EYS: variants seen among roughly 807,000 people sequenced by gnomAD.
EYS encodes the protein protein eyes shut homolog.
EYS carries 250 observed loss-of-function variants against 282.1 expected under a neutral mutation model. The observed-to-expected ratio is 0.89, with a 90% CI of 0.80 to 0.98. EYS has a LOEUF of 0.98. Ranked by LOEUF, EYS falls within the 50% of genes least tolerant of loss-of-function variation. EYS has a pLI of 0.00. For synonymous variants in EYS, 1,355 were observed against 1,282.9 expected, an observed-to-expected ratio of 1.06 and a Z score of -1.20; for missense variants, 4,016 against 3,709.0, an observed-to-expected ratio of 1.08 and a Z score of -2.15.
intron 26 of EYS, among the ~76,000 whole-genome samples, chr6:64,476,207 A>G (rs1776262951): frequency 6.6e-6 from 1 of 152,156 alleles, no homozygotes; most frequent in African/African-American, 2.4e-5. Flanking sequence ...CCATCTGTGC[A>G]TGCTGCCCTC....
intron 22 of EYS, among the ~76,000 whole-genome samples, chr6:64,651,244 C>T (rs1442833728): frequency 6.6e-6 from 1 of 152,080 alleles, no homozygotes; most frequent in East Asian, 1.9e-4. Context: ...GGAAAAAAGA[C>T]TAAATAGTTG....
intron 39 of EYS, among the ~76,000 whole-genome samples, chr6:63,780,556 G>T (rs1329615238): frequency 6.6e-6 from 1 of 152,172 alleles, no homozygotes; most frequent in Non-Finnish European, 1.5e-5. Flanking sequence ...CTTTTGAGAA[G>T]TGTCTGTTCA....
In EYS at chr6:65,490,580, T is replaced by C. The variant is rs746157332; in HGVS notation, c.862+14A>G. Reference sequence around the variant, plus strand: ...TTACTTGTGTATATGGTTGTATACATATGCATTTTTTACCTGAAAATTGCT... The same window carrying C: ...TTACTTGTGTATATGGTTGTATACACATGCATTTTTTACCTGAAAATTGCT... On this transcript the variant is annotated intron_variant, in intron 5 of 42. Coordinates refer to ENST00000503581, the MANE Select transcript of EYS (RefSeq NM_001142800.2). 5 of 1,353,146 alleles carry C rather than the reference T, an allele frequency of 3.7e-6. No homozygotes were observed. The Admixed American group carries it at 8.4e-5, about 23-fold the overall frequency. 83.8% of individuals were successfully genotyped at this position (1,353,146 alleles called of 1,614,324 possible). A position where few individuals can be genotyped will look rare whatever the true frequency, so the allele number is the denominator to read the frequency against.
chr6:65,116,625 A>G (rs1004028158), intron 12 of EYS, among the ~76,000 whole-genome samples: 1 of 152,120 alleles, frequency 6.6e-6, no homozygotes, highest in Non-Finnish European at 1.5e-5. Flanking sequence ...TGAGTCCTTC[A>G]GGAGATAGGA....
intron 2 of EYS, among the ~76,000 whole-genome samples, chr6:65,621,487 T>C (rs907982313): frequency 6.6e-6 from 1 of 150,440 alleles, no homozygotes; most frequent in African/African-American, 2.5e-5. Context: ...AGCACACTGA[T>C]GGGTCTTGAC....
At chr6:64,222,037 G>A (rs1417343828) in intron 31 of EYS, among the ~76,000 whole-genome samples, 2 of 151,922 alleles carry the variant, frequency 1.3e-5, no homozygotes, top group African/African-American at 4.8e-5. Context: ...GCAAAAGGTG[G>A]CATATTTGTG....
At chr6:63,734,474 C>T (rs1022408806) in intron 41 of EYS, among the ~76,000 whole-genome samples, 6 of 151,988 alleles carry the variant, frequency 3.9e-5, no homozygotes, top group Middle Eastern at 3.4e-3. Flanking sequence ...AATACAGTGA[C>T]GAATGCAAAT....
intron 5 of EYS, among the ~76,000 whole-genome samples, chr6:65,465,002 A>G (rs991687488): frequency 6.6e-6 from 1 of 152,214 alleles, no homozygotes; most frequent in Non-Finnish European, 1.5e-5. Flanking sequence ...ATTTATAGAT[A>G]GTTCTACAAA....
At chr6:65,045,995 T>C (rs1287928796) in intron 13 of EYS, among the ~76,000 whole-genome samples, 1 of 151,950 alleles carries the variant, frequency 6.6e-6, no homozygotes, top group East Asian at 1.9e-4. Context: ...TGTTTCATTA[T>C]TATTGCATCA....
intron 15 of EYS, among the ~76,000 whole-genome samples, chr6:64,915,243 G>T (rs1044520873): frequency 6.6e-6 from 1 of 152,038 alleles, no homozygotes; most frequent in Non-Finnish European, 1.5e-5. Context: ...AAATTTGCTT[G>T]CCATACACTT....
At chr6:65,228,791 G>A (rs763956375) in intron 12 of EYS, among the ~76,000 whole-genome samples, 1 of 152,020 alleles carries the variant, frequency 6.6e-6, no homozygotes, top group Non-Finnish European at 1.5e-5. Context: ...TCACAAGAGT[G>A]GTGGTATTGG....
At chr6:65,695,158 T>G (rs1171594162) in intron 1 of EYS, among the ~76,000 whole-genome samples, 1 of 152,140 alleles carries the variant, frequency 6.6e-6, no homozygotes, top group African/African-American at 2.4e-5. Context: ...AGTGTTCATT[T>G]AGTTTCTTAA....
intron 19 of EYS, among the ~76,000 whole-genome samples, chr6:64,854,915 A>G (rs920437967): frequency 6.6e-6 from 1 of 151,402 alleles, no homozygotes; most frequent in African/African-American, 2.4e-5. Context: ...CTTTCGGCCT[A>G]TTTTTCTTTT....
chr6:65,453,461 C>T (rs1446824081), intron 5 of EYS, among the ~76,000 whole-genome samples: 17 of 151,990 alleles, frequency 1.1e-4, no homozygotes, highest in Non-Finnish European at 1.6e-4. Flanking sequence ...ATCTATGCTG[C>T]ATAATGACCC....
rs897273177 is a variant in EYS, at chr6:63,834,951, G to A, written c.7229-28579C>T. 1.7e-4 allele frequency among the ~76,000 whole-genome samples: 25 copies of A among 149,388 alleles called. 1 individual carries two copies. Among genetic ancestry groups the A allele is most frequent in the African/African-American group, 5.9e-4 (24 of 40,446 alleles). Reference sequence around the variant, plus strand: ...ATCATTCTGAACACACTATGGCAAGGACAGAAAAACAAACACCACACGTTC... The same window carrying A: ...ATCATTCTGAACACACTATGGCAAGAACAGAAAAACAAACACCACACGTTC... On this transcript the variant is annotated intron_variant, in intron 36 of 42. Transcript: ENST00000503581.
intron 33 of EYS, among the ~76,000 whole-genome samples, chr6:64,064,676 G>A (rs935897749): frequency 6.6e-6 from 1 of 152,046 alleles, no homozygotes; most frequent in Admixed American, 6.6e-5. Context: ...ATGGTTTGAG[G>A]ACTGCTCTAT....
intron 24 of EYS, among the ~76,000 whole-genome samples, chr6:64,613,006 G>A (rs1356607914): frequency 6.6e-6 from 1 of 152,082 alleles, no homozygotes; most frequent in African/African-American, 2.4e-5. Context: ...TTATTGCTTT[G>A]AATTGTGCTT....
At chr6:63,890,380 G>C (rs1331148802) in intron 35 of EYS, among the ~76,000 whole-genome samples, 3 of 152,092 alleles carry the variant, frequency 2.0e-5, no homozygotes, top group African/African-American at 4.8e-5. Context: ...CAAAAGAATG[G>C]AAATAATAAC....
intron 14 of EYS, among the ~76,000 whole-genome samples, chr6:64,964,558 T>C (rs529310468): frequency 6.6e-6 from 1 of 152,256 alleles, no homozygotes; most frequent in African/African-American, 2.4e-5. Flanking sequence ...TTTGTTAAGG[T>C]GAATATTTGG....
Sources: gnomAD v4.1 joint callset for allele counts (sites outside exome capture counted in the v4.1 genomes callset) on GRCh38, gnomAD v4.1.1 for gene constraint, MANE v1.5 for transcripts, NCBI Gene and HGNC (gene_info 2026-07-23, HGNC 2026-07-21) for gene names.